The following OR4K17 variants were observed in gnomAD, a reference collection of about 807,000 sequenced individuals.
OR4K17 encodes olfactory receptor family 4 subfamily K member 17.
For synonymous variants in OR4K17, 157 were observed against 132.8 expected (o/e 1.18, Z -1.25); for missense variants, 480 against 366.3 (o/e 1.31, Z -2.53).
chr14:20,116,210 T>G (rs1377601334), intron 1 of OR4K17, among the ~76,000 whole-genome samples: 2 of 152,156 alleles, frequency 1.3e-5, no homozygotes, highest in Non-Finnish European at 2.9e-5. Flanking sequence ...AATAGCCTAC[T>G]GATTCTTCTC....
At position 20,117,517 on chromosome 14, in the gene OR4K17, A is replaced by G. The variant is rs145178521; in HGVS notation, c.18A>G (p.Gln6=). ...TGGAGGCCATGAAACTATTAAATCAATCTCAAGTGTCAGAATTCATTTTGC... is the reference window on the plus strand; with the variant it reads ...TGGAGGCCATGAAACTATTAAATCAGTCTCAAGTGTCAGAATTCATTTTGC... MKLLN[Q]SQVSEFILLG... The change falls in exon 2 of 2, where the codon CAA becomes CAG. Residue 6 remains glutamine, a synonymous_variant. Transcript: ENST00000641386. The G allele has an allele frequency of 4.7e-5, 76 of 1,613,882 alleles. No homozygotes were observed. In the African/African-American group the frequency reaches 8.1e-4, roughly 17 times the overall value.
At position 20,118,452 on chromosome 14, in the gene OR4K17, T is replaced by G; in HGVS notation, c.*14T>G. 2 of 1,512,018 alleles carry G rather than the reference T, an allele frequency of 1.3e-6. 1 individual carries two copies. The highest frequency in any genetic ancestry group is 4.4e-4 in the Middle Eastern group (2 of 4,530). The allele number at this position is 1,512,018 out of a possible 1,614,324, so 93.7% of individuals were successfully genotyped here. A position where few individuals can be genotyped will look rare whatever the true frequency, so the allele number is the denominator to read the frequency against. Reference sequence around the variant, plus strand: ...GAAGATACTTAGATTAAAAATATAATGGTAGAGGCCGGGCATGGTGGCTGA... The same window carrying G: ...GAAGATACTTAGATTAAAAATATAAGGGTAGAGGCCGGGCATGGTGGCTGA... On this transcript the variant is annotated 3_prime_UTR_variant, in exon 2 of 2. Transcript: ENST00000641386.
rs764376269 is a variant in OR4K17 at position 20,118,097 on chromosome 14, G to T, written c.598G>T (p.Val200Phe). The change falls in exon 2 of 2, where the codon GTT becomes TTT. Residue 200 changes from valine (V) to phenylalanine (F), a missense_variant. Val to Phe is a conservative substitution (Grantham distance 50). Transcript: ENST00000641386. ...IDIYFVQVVI[V>F]ANSGIISLSC... ...CATATATTTTGTACAGGTAGTCATT[G>T]TTGCCAACAGTGGCATAATCTCCCT... The T allele has an allele frequency of 1.2e-6, 2 of 1,613,868 alleles. No homozygotes were observed. Among genetic ancestry groups the T allele is most frequent in the African/African-American group, 1.3e-5 (1 of 74,882 alleles).
rs1443015265 is a variant in OR4K17, at chr14:20,121,312, C to T, written c.*2874C>T. ...TCACAATAATTGTCTTAAGGAAGTG[C>T]AGTAAAGTCCAAGAACATACAGGGA... On this transcript the variant is annotated 3_prime_UTR_variant, in exon 2 of 2. Coordinates refer to ENST00000641386, the MANE Select transcript of OR4K17 (RefSeq NM_001004715.5). 6.6e-6 allele frequency: 1 copy of T among 152,066 alleles called. No individual in the cohort carries two copies. The highest frequency in any genetic ancestry group is 1.5e-5 in the Non-Finnish European group (1 of 68,012). 9.4% of individuals were successfully genotyped at this position (152,066 alleles called of 1,614,324 possible). A position where few individuals can be genotyped will look rare whatever the true frequency, so the allele number is the denominator to read the frequency against.
intron 1 of OR4K17, among the ~76,000 whole-genome samples, chr14:20,114,191 G>T (rs1470066481): frequency 6.6e-6 from 1 of 151,756 alleles, no homozygotes; most frequent in East Asian, 1.9e-4. Flanking sequence ...CACATGGATG[G>T]TATGGTAAAA....
At position 20,121,265 on chromosome 14, in the gene OR4K17, T is replaced by C. The variant is rs549938910; in HGVS notation, c.*2827T>C. ...ATCTGTCTCCAAAGAAACAGAGACC[T>C]ATGAACTCCCAGACAAAGACTTCAC... On this transcript the variant is annotated 3_prime_UTR_variant, in exon 2 of 2. Transcript: ENST00000641386. The C allele has an allele frequency of 5.9e-5, 9 of 152,302 alleles. No individual in the cohort carries two copies. Among genetic ancestry groups the C allele is most frequent in the African/African-American group, 2.2e-4 (9 of 41,580 alleles). The allele number at this position is 152,302 out of a possible 1,614,324, so 9.4% of individuals were successfully genotyped here.
In OR4K17 at chr14:20,117,552, C is replaced by A. The variant is rs376010796; in HGVS notation, c.53C>A (p.Thr18Asn). 9 of 1,613,792 alleles carry A rather than the reference C, an allele frequency of 5.6e-6. No individual in the cohort carries two copies. Among genetic ancestry groups the A allele is most frequent in the Non-Finnish European group, 7.6e-6 (9 of 1,179,920 alleles). ...TCAGAATTCATTTTGCTGGGACTGACCAGCTCCCAGGATGTAGAGTTTCTT... is the reference window on the plus strand; with the variant it reads ...TCAGAATTCATTTTGCTGGGACTGAACAGCTCCCAGGATGTAGAGTTTCTT... ...QVSEFILLGL[T>N]SSQDVEFLLF... The change falls in exon 2 of 2, where the codon ACC becomes AAC. Residue 18 changes from threonine (T) to asparagine (N), a missense_variant. Thr to Asn is a moderately conservative substitution (Grantham distance 65, BLOSUM62 0). Coordinates refer to ENST00000641386, the MANE Select transcript of OR4K17 (RefSeq NM_001004715.5).
In OR4K17 at chr14:20,118,111, C is replaced by G; in HGVS notation, c.612C>G (p.Gly204=). The G allele has an allele frequency of 6.2e-7, 1 of 1,613,998 alleles. No individual in the cohort carries two copies. ...FVQVVIVANS[G]IISLSCFIIL... is the part of the protein sequence containing the mutation. Reference sequence around the variant, plus strand: ...AGGTAGTCATTGTTGCCAACAGTGGCATAATCTCCCTGAGCTGTTTCATTA... The same window carrying G: ...AGGTAGTCATTGTTGCCAACAGTGGGATAATCTCCCTGAGCTGTTTCATTA... The change falls in exon 2 of 2, where the codon GGC becomes GGG. Residue 204 remains glycine, a synonymous_variant. Transcript: ENST00000641386.
chr14:20,114,582 T>TC (rs1877947806), intron 1 of OR4K17, among the ~76,000 whole-genome samples: 1 of 152,100 alleles, frequency 6.6e-6, no homozygotes, highest in South Asian at 2.1e-4. Context: ...TAATTCTGTT[T>TC]CCATTCTGTC....
rs1878022445 is a variant in OR4K17, at chr14:20,117,498, C to A, written c.-2C>A. ...CCAAGAGCGAGCTGTAGGATGGAGG[C>A]CATGAAACTATTAAATCAATCTCAA... On this transcript the variant is annotated 5_prime_UTR_variant, in exon 2 of 2. Coordinates refer to ENST00000641386, the MANE Select transcript of OR4K17 (RefSeq NM_001004715.5). The A allele has an allele frequency of 1.2e-6, 2 of 1,613,238 alleles. No individual in the cohort carries two copies. Among genetic ancestry groups the A allele is most frequent in the South Asian group, 2.2e-5 (2 of 91,056 alleles).
rs1878097231 is a variant in OR4K17 at position 20,119,138 on chromosome 14, G to A, written c.*700G>A. The A allele has an allele frequency of 6.6e-6, 1 of 152,234 alleles. No individual in the cohort carries two copies. Among genetic ancestry groups the A allele is most frequent in the African/African-American group, 2.4e-5 (1 of 41,450 alleles). The allele number at this position is 152,234 out of a possible 1,614,324, so 9.4% of individuals were successfully genotyped here. On this transcript the variant is annotated 3_prime_UTR_variant, in exon 2 of 2. Coordinates refer to ENST00000641386, the MANE Select transcript of OR4K17 (RefSeq NM_001004715.5). ...TTTCTCCTATTCACTTTTGTAAGAA[G>A]AGAAATATGACTCTGTTCCACCCAG... is the stretch of plus-strand genomic sequence containing the variant.
intron 1 of OR4K17, among the ~76,000 whole-genome samples, chr14:20,114,897 A>T (rs1318416757): frequency 6.6e-6 from 1 of 152,112 alleles, no homozygotes; most frequent in Admixed American, 6.6e-5. Context: ...TTTACAAATA[A>T]ATACTACTTG....
intron 1 of OR4K17, among the ~76,000 whole-genome samples, chr14:20,114,339 C>T (rs913741554): frequency 1.3e-5 from 2 of 151,826 alleles, no homozygotes; most frequent in African/African-American, 2.4e-5. Flanking sequence ...TTCTCCTCTT[C>T]CCAGGAAATT....
rs1275942527 is a variant in OR4K17 at position 20,120,755 on chromosome 14, G to T, written c.*2317G>T. On this transcript the variant is annotated 3_prime_UTR_variant, in exon 2 of 2. Coordinates refer to ENST00000641386, the MANE Select transcript of OR4K17 (RefSeq NM_001004715.5). ...CCTGCGCTTATGGCTCCAGATCCATGGCTTCCCCTAGGGTACCCCTCGTCA... is the reference window on the plus strand; with the variant it reads ...CCTGCGCTTATGGCTCCAGATCCATTGCTTCCCCTAGGGTACCCCTCGTCA... The T allele has an allele frequency of 6.6e-6, 1 of 152,278 alleles. No individual in the cohort carries two copies. Among genetic ancestry groups the T allele is most frequent in the Admixed American group, 6.6e-5 (1 of 15,258 alleles). The allele number at this position is 152,278 out of a possible 1,614,324, so 9.4% of individuals were successfully genotyped here.
chr14:20,117,950 T>C lies in OR4K17; in HGVS notation c.451T>C (p.Leu151=), dbSNP rs1878047348. The stretch of plus-strand genomic sequence containing the variant: ...TTTGCTTGTAGTGACCTCATGGCTC[T>C]TGGGTCTCCTTCACTCAGGGTTTCA... ...CVLLVVTSWL[L]GLLHSGFQIP... The change falls in exon 2 of 2, where the codon TTG becomes CTG. Residue 151 remains leucine (L), a synonymous_variant. Coordinates refer to ENST00000641386, the MANE Select transcript of OR4K17 (RefSeq NM_001004715.5). 2.5e-6 allele frequency: 4 copies of C among 1,614,160 alleles called. No homozygotes were observed. The highest frequency in any genetic ancestry group is 1.1e-5 in the South Asian group (1 of 91,078).
chr14:20,114,845 C>T (rs1877953053), intron 1 of OR4K17, among the ~76,000 whole-genome samples: 1 of 152,048 alleles, frequency 6.6e-6, no homozygotes, highest in African/African-American at 2.4e-5. Context: ...CTATGTTTTC[C>T]TATTATAAAG....
intron 1 of OR4K17, among the ~76,000 whole-genome samples, chr14:20,111,348 G>T (rs149881453): frequency 6.6e-6 from 1 of 152,130 alleles, no homozygotes; most frequent in African/African-American, 2.4e-5. Context: ...CAGTTTCTTA[G>T]GAAAGTTTCC....
At chr14:20,112,762 C>T (rs542830229) in intron 1 of OR4K17, among the ~76,000 whole-genome samples, 10 of 151,994 alleles carry the variant, frequency 6.6e-5, no homozygotes, top group South Asian at 2.1e-4. Context: ...TTTGTTGTTC[C>T]GGAGTGAGAA....
Position 20,117,846 on chromosome 14 carries a change from T to A in OR4K17, c.347T>A (p.Val116Asp). The change falls in exon 2 of 2, where the codon GTC (valine) becomes GAC (aspartate). Residue 116 changes from valine to aspartate, a missense_variant. Coordinates refer to ENST00000641386, the MANE Select transcript of OR4K17 (RefSeq NM_001004715.5). ...GGTGGGGTTGAAATGGTACTGTTGG[T>A]CTCCATGGCTTTTGACAGATATGTG... ...LLGGVEMVLL[V>D]SMAFDRYVAI... 1 of 1,614,086 alleles carries A rather than the reference T, an allele frequency of 6.2e-7. No homozygotes were observed. The highest frequency in any genetic ancestry group is 8.5e-7 in the Non-Finnish European group (1 of 1,179,998).
Sources: allele counts gnomAD v4.1 joint callset (sites outside exome capture counted in the v4.1 genomes callset), GRCh38; gene constraint gnomAD v4.1.1; transcripts MANE v1.5; gene names NCBI Gene and HGNC (gene_info 2026-07-23, HGNC 2026-07-21).